The following TMPRSS11A variants were observed in gnomAD, a reference collection of about 807,000 sequenced individuals.
TMPRSS11A encodes the protein transmembrane protease serine 11A.
Under a neutral mutation model 58.9 loss-of-function variants are expected in TMPRSS11A, and 53 were observed. The ratio of observed to expected loss-of-function variants is 0.90; its 90% CI spans 0.72 to 1.13. The LOEUF is 1.13. TMPRSS11A is among the 50% of genes most tolerant of loss of function. TMPRSS11A has a pLI of 0.00. For missense variants in TMPRSS11A, 493 were observed against 499.3 expected (o/e 0.99, Z 0.12); for synonymous variants, 167 against 169.8 (o/e 0.98, Z 0.13).
chr4:67,960,388 T>C (rs892473495), intron 1 of TMPRSS11A, among the ~76,000 whole-genome samples: 4 of 152,204 alleles, frequency 2.6e-5, no homozygotes, highest in African/African-American at 9.6e-5. Flanking sequence ...AAACTCAGGC[T>C]CTGGCTCTAT....
intron 9 of TMPRSS11A, among the ~76,000 whole-genome samples, chr4:67,912,818 G>A (rs770770355): frequency 2.0e-5 from 3 of 152,046 alleles, no homozygotes; most frequent in African/African-American, 7.2e-5. Context: ...AGCACTACTT[G>A]GACCTTTTCT....
chr4:67,950,803 A>T (rs370369650), intron 1 of TMPRSS11A, among the ~76,000 whole-genome samples: 2 of 152,392 alleles, frequency 1.3e-5, no homozygotes, highest in South Asian at 2.1e-4. Context: ...GGGATATTTT[A>T]CTGAAGTAGT....
chr4:67,924,020 T>A, intron 6 of TMPRSS11A, 108 bp downstream of exon 6: 1 of 904,048 alleles, frequency 1.1e-6, no homozygotes, highest in South Asian at 1.3e-5. Context: ...ATAGTTATTA[T>A]CTCTCAAAGA....
chr4:67,951,430 G>A (rs1315605295), intron 1 of TMPRSS11A, among the ~76,000 whole-genome samples: 1 of 152,104 alleles, frequency 6.6e-6, no homozygotes, highest in East Asian at 1.9e-4. Flanking sequence ...AAAGATGACT[G>A]GAGTCAAGAC....
chr4:67,924,957 C>T lies in TMPRSS11A; in HGVS notation c.482-791G>A, dbSNP rs148005544. On this transcript the variant is annotated intron_variant, in intron 5 of 9. Transcript: ENST00000508048. ...CTGCTTTGATCTCTTCTATTTACTTCGAATTTCACATAAATCTTTTTTTTT... is the reference window on the plus strand; with the variant it reads ...CTGCTTTGATCTCTTCTATTTACTTTGAATTTCACATAAATCTTTTTTTTT... Among the ~76,000 whole-genome samples the T allele has an allele frequency of 6.5e-4, 95 of 145,178 alleles. No individual in the cohort carries two copies. The East Asian group carries it at 8.5e-3, about 13-fold the overall frequency.
At chr4:67,941,400 A>G (rs1358254714) in intron 3 of TMPRSS11A, among the ~76,000 whole-genome samples, 1 of 152,122 alleles carries the variant, frequency 6.6e-6, no homozygotes, top group Non-Finnish European at 1.5e-5. Context: ...AATAATATAA[A>G]GCCTTTTCTG....
At chr4:67,940,212 T>C (rs1054991580) in intron 3 of TMPRSS11A, among the ~76,000 whole-genome samples, 1 of 152,182 alleles carries the variant, frequency 6.6e-6, no homozygotes, top group Non-Finnish European at 1.5e-5. Flanking sequence ...CATTCTGTCT[T>C]TGTGAGGTTT....
chr4:67,956,998 A>C (rs1475973858), intron 1 of TMPRSS11A, among the ~76,000 whole-genome samples: 2 of 152,110 alleles, frequency 1.3e-5, no homozygotes, highest in African/African-American at 4.8e-5. Flanking sequence ...TGGTTTTATG[A>C]GGGGGAGTTT....
intron 9 of TMPRSS11A, among the ~76,000 whole-genome samples, chr4:67,914,119 A>G (rs1720078621): frequency 6.6e-6 from 1 of 152,156 alleles, no homozygotes; most frequent in Non-Finnish European, 1.5e-5. Context: ...AATTTTGGCT[A>G]TGCTTTTTGT....
chr4:67,918,721 T>G (rs764370860), intron 8 of TMPRSS11A, among the ~76,000 whole-genome samples: 2 of 152,208 alleles, frequency 1.3e-5, no homozygotes, highest in Non-Finnish European at 1.5e-5. Flanking sequence ...TATAAACCCC[T>G]GTGTCTGAAG....
chr4:67,953,534 C>T (rs1398463495), intron 1 of TMPRSS11A, among the ~76,000 whole-genome samples: 5 of 152,162 alleles, frequency 3.3e-5, no homozygotes, highest in South Asian at 2.1e-4. Flanking sequence ...TGTGGTGGCT[C>T]ACGCCTGTAA....
intron 1 of TMPRSS11A, among the ~76,000 whole-genome samples, chr4:67,957,016 C>T (rs1461202204): frequency 6.6e-6 from 1 of 152,180 alleles, no homozygotes; most frequent in Non-Finnish European, 1.5e-5. Context: ...TTTCCCTGCA[C>T]AAGCTCTCTT....
At chr4:67,931,905 T>C (rs1720633484) in intron 4 of TMPRSS11A, 88 bp downstream of exon 4, 2 of 795,442 alleles carry the variant, frequency 2.5e-6, no homozygotes, top group Non-Finnish European at 4.3e-6. Context: ...GCCTAGTCCA[T>C]GGAGACATAC....
chr4:67,930,610 A>G (rs1720588534), intron 4 of TMPRSS11A, among the ~76,000 whole-genome samples: 1 of 152,044 alleles, frequency 6.6e-6, no homozygotes, highest in South Asian at 2.1e-4. Flanking sequence ...GAAGACAACA[A>G]TATTGTGGTC....
At chr4:67,953,186 C>T (rs527342163) in intron 1 of TMPRSS11A, among the ~76,000 whole-genome samples, 1 of 152,252 alleles carries the variant, frequency 6.6e-6, no homozygotes, top group South Asian at 2.1e-4. Context: ...CTGCTCACCT[C>T]CTGCTGTGCT....
In TMPRSS11A at chr4:67,919,102, C is replaced by T. The variant is rs1720244870; in HGVS notation, c.823G>A (p.Val275Ile). 6.2e-7 allele frequency: 1 copy of T among 1,614,102 alleles called. No individual in the cohort carries two copies. The highest frequency in any genetic ancestry group is 1.3e-5 in the African/African-American group (1 of 74,934). Residue 275 changes from valine to isoleucine, a missense_variant, in exon 8 of 10, where the codon GTT becomes ATT. Coordinates refer to ENST00000508048, the MANE Select transcript of TMPRSS11A (RefSeq NM_001114387.2). ...GTGACTCTGGAAGAGACCTGCACAA[C>T]AGCAATGTCGTACTCTCTTGCTGCA... The part of the protein sequence containing the change: ...RSAAREYDIA[V>I]VQVSSRVTFS...
At chr4:67,935,311 G>A (rs775321473) in intron 3 of TMPRSS11A, among the ~76,000 whole-genome samples, 6 of 152,030 alleles carry the variant, frequency 3.9e-5, no homozygotes, top group South Asian at 2.1e-4. Flanking sequence ...GCATACTCAC[G>A]CCTCTCAGGC....
rs189460059 is a variant in TMPRSS11A, at chr4:67,959,102, C to T, written c.11+4281G>A. Among the ~76,000 whole-genome samples, 3 of 152,234 alleles carry T rather than the reference C, an allele frequency of 2.0e-5. No homozygotes were observed. In the East Asian group the frequency reaches 5.8e-4, roughly 29 times the overall value. ...TCAGCAGCATGAAAATGGATTAATA[C>T]AGGCAGAGATTTGGAAAAGAAGGAA... On this transcript the variant is annotated intron_variant, in intron 1 of 9. Coordinates refer to ENST00000508048, the MANE Select transcript of TMPRSS11A (RefSeq NM_001114387.2).
chr4:67,933,628 G>A (rs1314273295), intron 3 of TMPRSS11A, among the ~76,000 whole-genome samples: 1 of 152,128 alleles, frequency 6.6e-6, no homozygotes, highest in Non-Finnish European at 1.5e-5. Flanking sequence ...TTTAGCTGAG[G>A]TGGTGTGGGG....
Sources: gnomAD v4.1 joint callset for allele counts (sites outside exome capture counted in the v4.1 genomes callset) on GRCh38, gnomAD v4.1.1 for gene constraint, MANE v1.5 for transcripts, NCBI Gene and HGNC (gene_info 2026-07-23, HGNC 2026-07-21) for gene names.